POLI: variants seen among roughly 807,000 people sequenced by gnomAD.
POLI encodes RAD30 homolog B.
A neutral mutation model predicts 51.6 loss-of-function variants in POLI; 58 were observed. That is an observed-to-expected ratio of 1.12 (90% CI 0.91 to 1.40). POLI has a LOEUF of 1.40. POLI is among the 40% of genes most tolerant of loss of function. The pLI, the probability that POLI is intolerant of heterozygous loss-of-function variation, is 0.00. For synonymous variants in POLI, 322 were observed against 299.7 expected (o/e 1.07, Z -0.77); for missense variants, 921 against 871.3 (o/e 1.06, Z -0.72).
At chr18:54,291,023 C>T (rs1299093927) in intron 8 of POLI, among the ~76,000 whole-genome samples, 2 of 152,138 alleles carry the variant, frequency 1.3e-5, no homozygotes, top group Non-Finnish European at 2.9e-5. Context: ...ATTTTAATTT[C>T]TGCTAGGCCC....
In POLI at chr18:54,298,056, G is replaced by A. The variant is rs2088419195; in HGVS notation, c.*3589G>A. 4 of 968,814 alleles carry A rather than the reference G, an allele frequency of 4.1e-6. No homozygotes were observed. Among genetic ancestry groups the A allele is most frequent in the Non-Finnish European group, 4.9e-6 (4 of 814,918 alleles). 60.0% of individuals were successfully genotyped at this position (968,814 alleles called of 1,614,324 possible). A position where few individuals can be genotyped will look rare whatever the true frequency, so the allele number is the denominator to read the frequency against. ...AGCTATAGATTTATCATGGATTTAG[G>A]TTCATTATGAATCTGCAGATTTGTG... On this transcript the variant is annotated 3_prime_UTR_variant, in exon 10 of 10. Transcript: ENST00000579534.
At chr18:54,303,262 C>T (rs1187221686) in intron 3 of POLI, among the ~76,000 whole-genome samples, 1 of 152,096 alleles carries the variant, frequency 6.6e-6, no homozygotes, top group Non-Finnish European at 1.5e-5. Flanking sequence ...ATAAATTCAC[C>T]CCTTTCTGCC....
intron 3 of POLI, among the ~76,000 whole-genome samples, chr18:54,315,197 C>G (rs538314442): frequency 5.3e-5 from 8 of 152,216 alleles, no homozygotes; most frequent in African/African-American, 1.9e-4. Context: ...TTTTGGATAT[C>G]TGCCTTACTT....
chr18:54,293,568 A>G, intron 9 of POLI, 81 bp from the exon 10 acceptor site: 2 of 976,502 alleles, frequency 2.0e-6, no homozygotes, highest in South Asian at 1.8e-5. Flanking sequence ...ATGTCAGATA[A>G]TAGCTACAGG....
Position 54,293,226 on chromosome 18 carries a change from G to T in POLI, c.1405-423G>T, listed in dbSNP as rs555905268. 4.7e-4 allele frequency among the ~76,000 whole-genome samples: 70 copies of T among 149,320 alleles called. 1 individual carries two copies. Among genetic ancestry groups the T allele is most frequent in the African/African-American group, 1.6e-3 (64 of 40,802 alleles). On this transcript the variant is annotated intron_variant, in intron 9 of 9. Transcript: ENST00000579534. The stretch of plus-strand genomic sequence containing the variant: ...TGTTATAGGCTTTTTTTTTCTTTTT[G>T]TTAAAAGTTACCCTTTAGAATAGTA...
intron 3 of POLI, chr18:54,274,866 C>T (rs1432183606): frequency 6.6e-6 from 1 of 151,678 alleles, no homozygotes; most frequent in Non-Finnish European, 1.5e-5. Flanking sequence ...GATTAAATGT[C>T]TATAATATAC....
chr18:54,269,534 T>C lies in POLI; in HGVS notation c.-13T>C, dbSNP rs774805835. ...AAGCGGCCGGAAGTAGCGCTGCGGTTGGCAGCGGCGGGATGGAGAAGCTGG... is the reference window on the plus strand; with the variant it reads ...AAGCGGCCGGAAGTAGCGCTGCGGTCGGCAGCGGCGGGATGGAGAAGCTGG... On this transcript the variant is annotated 5_prime_UTR_variant, in exon 1 of 10. Transcript: ENST00000579534. The C allele has an allele frequency of 2.0e-6, 3 of 1,507,500 alleles. No individual in the cohort carries two copies. The African/African-American group carries it at 4.4e-5, about 22-fold the overall frequency. 93.4% of individuals were successfully genotyped at this position (1,507,500 alleles called of 1,614,324 possible).
At chr18:54,292,962 G>A (rs181773315) in intron 9 of POLI, among the ~76,000 whole-genome samples, 5 of 151,946 alleles carry the variant, frequency 3.3e-5, no homozygotes, top group Admixed American at 2.6e-4. Context: ...CACACAGTAG[G>A]TAGTCAATAA....
At chr18:54,301,513 AG>A (rs534117233), downstream of POLI, among the ~76,000 whole-genome samples, 101 of 152,352 alleles carry the variant, frequency 6.6e-4, no homozygotes, top group African/African-American at 2.2e-3. Flanking sequence ...ATGTACATTC[AG>A]GAGAAACCAT....
rs2088360746 is a variant in POLI at position 54,296,960 on chromosome 18, A to G, written c.*2493A>G. ...ATCATTGTGACTTATTTCCTTGAGT[A>G]TGTGTTAATCTGCGAGAAGACAGAG... On this transcript the variant is annotated 3_prime_UTR_variant, in exon 10 of 10. Transcript: ENST00000579534. 1.0e-6 allele frequency: 1 copy of G among 982,806 alleles called. No homozygotes were observed. The highest frequency in any genetic ancestry group is 6.1e-5 in the Admixed American group (1 of 16,262). 60.9% of individuals were successfully genotyped at this position (982,806 alleles called of 1,614,324 possible).
intron 3 of POLI, among the ~76,000 whole-genome samples, chr18:54,316,388 G>T (rs533746595): frequency 1.3e-4 from 20 of 152,198 alleles, no homozygotes; most frequent in African/African-American, 4.8e-4. Flanking sequence ...GTCTAAATTT[G>T]TGATTATTAT....
chr18:54,294,113 T>A lies in POLI; in HGVS notation c.1869T>A (p.Tyr623Ter). 2 of 1,608,508 alleles carry A rather than the reference T, an allele frequency of 1.2e-6. No homozygotes were observed. Among genetic ancestry groups the A allele is most frequent in the Non-Finnish European group, 1.7e-6 (2 of 1,175,254 alleles). The change falls in exon 10 of 10, where the codon TAT becomes TAA. Residue 623 changes from tyrosine (Y) to a stop codon, truncating the protein, a stop_gained. Transcript: ENST00000579534. LOFTEE classifies it low-confidence loss of function (END_TRUNC). Reference protein sequence around the residue: ...SYMSSQKDYSYYLDNRLKDER... With the variant: ...SYMSSQKDYS The stretch of plus-strand genomic sequence containing the variant: ...TGTCTAGCCAAAAGGATTATTCATA[T>A]TATTTAGATAATAGATTAAAAGATG...
intron 9 of POLI, among the ~76,000 whole-genome samples, chr18:54,292,450 C>T (rs1173988065): frequency 1.3e-5 from 2 of 152,020 alleles, no homozygotes; most frequent in East Asian, 1.9e-4. Context: ...ACATTTTCTT[C>T]ATTTTGAAAT....
chr18:54,275,749 C>T (rs540010819), intron 3 of POLI, among the ~76,000 whole-genome samples: 1 of 152,072 alleles, frequency 6.6e-6, no homozygotes, highest in South Asian at 2.1e-4. Flanking sequence ...TTCACTTGCA[C>T]CTGTTTTTAA....
intron 3 of POLI, among the ~76,000 whole-genome samples, chr18:54,305,029 C>A (rs2088558755): frequency 6.6e-6 from 1 of 152,176 alleles, no homozygotes; most frequent in Non-Finnish European, 1.5e-5. Flanking sequence ...ATCCTTTCCC[C>A]ATTTCTTGTT....
intron 3 of POLI, among the ~76,000 whole-genome samples, chr18:54,312,335 T>A (rs113472761): frequency 1.3e-4 from 20 of 152,316 alleles, no homozygotes; most frequent in East Asian, 1.2e-3. Flanking sequence ...TGCCATATTA[T>A]CTTTATCGAG....
chr18:54,296,700 CTCTA>C lies in POLI; in HGVS notation c.*2237_*2240del, dbSNP rs1010318626. Reference sequence around the variant, plus strand: ...ACTGCATTTTGGGTAATTTCATCAGCTCTATCTTTCTGTTTACTAGTTCATTTTT... The same window carrying C: ...ACTGCATTTTGGGTAATTTCATCAGCTCTTTCTGTTTACTAGTTCATTTTT... On this transcript the variant is annotated 3_prime_UTR_variant, in exon 10 of 10. Coordinates refer to ENST00000579534, the MANE Select transcript of POLI (RefSeq NM_007195.3). The C allele has an allele frequency of 3.3e-5, 6 of 182,008 alleles. No homozygotes were observed. Among genetic ancestry groups the C allele is most frequent in the African/African-American group, 1.4e-4 (6 of 41,780 alleles). The allele number at this position is 182,008 out of a possible 1,614,324, so 11.3% of individuals were successfully genotyped here.
intron 8 of POLI, chr18:54,287,668 C>T (rs1599218170): frequency 4.2e-6 from 1 of 239,870 alleles, no homozygotes; most frequent in East Asian, 9.9e-5. Flanking sequence ...CAGCCTTTGT[C>T]TCCCAGGCTC....
intron 9 of POLI, 40 bp downstream of exon 9, chr18:54,292,078 C>G (rs977795308): frequency 8.3e-7 from 1 of 1,200,228 alleles, no homozygotes; most frequent in African/African-American, 1.5e-5. Flanking sequence ...TAAGTATACT[C>G]TTATGGGATT....
Sources: allele counts gnomAD v4.1 joint callset (sites outside exome capture counted in the v4.1 genomes callset), GRCh38; gene constraint gnomAD v4.1.1; transcripts MANE v1.5; gene names NCBI Gene and HGNC (gene_info 2026-07-23, HGNC 2026-07-21).